CMIP: variants seen among roughly 807,000 people sequenced by gnomAD.
CMIP encodes the protein C-Maf-inducing protein.
CMIP carries 13 observed loss-of-function variants against 97.3 expected under a neutral mutation model. The ratio of observed to expected loss-of-function variants is 0.13; its 90% CI spans 0.09 to 0.21. The LOEUF (loss-of-function observed/expected upper bound fraction) is 0.21. Among genes scored for constraint, CMIP ranks in the 10% least tolerant of loss-of-function variants. The pLI, the probability that CMIP is intolerant of heterozygous loss-of-function variation, is 1.00. For missense variants in CMIP, 847 were observed against 1,024.9 expected (o/e 0.83, Z 2.37); for synonymous variants, 538 against 436.3 (o/e 1.23, Z -2.91).
At chr16:81,707,694 C>A (rs1443320174) in intron 20 of CMIP, among the ~76,000 whole-genome samples, 1 of 152,174 alleles carries the variant, frequency 6.6e-6, no homozygotes, top group African/African-American at 2.4e-5. Flanking sequence ...AAGGCAGGGG[C>A]GTTTTAAGAA....
chr16:81,580,765 C>G (rs529765088), intron 1 of CMIP, among the ~76,000 whole-genome samples: 11 of 152,122 alleles, frequency 7.2e-5, no homozygotes, highest in African/African-American at 1.4e-4. Flanking sequence ...CCACTGCACT[C>G]CAGCCTGGGC....
At chr16:81,544,740 T>C (rs1468844662) in intron 1 of CMIP, among the ~76,000 whole-genome samples, 2 of 152,000 alleles carry the variant, frequency 1.3e-5, no homozygotes, top group Non-Finnish European at 2.9e-5. Flanking sequence ...CATGTGTGTG[T>C]GTGCGTGTAT....
intron 1 of CMIP, among the ~76,000 whole-genome samples, chr16:81,600,648 G>C (rs1385518810): frequency 6.6e-6 from 1 of 152,200 alleles, no homozygotes; most frequent in East Asian, 1.9e-4. Context: ...AAACATCTCA[G>C]AACTCGATAG....
chr16:81,604,489 G>A (rs1253181859), intron 1 of CMIP, among the ~76,000 whole-genome samples: 1 of 151,228 alleles, frequency 6.6e-6, no homozygotes. Flanking sequence ...CACAAGGTCA[G>A]GAGTTCAAGA....
rs2092355879 is a variant in CMIP at position 81,645,624 on chromosome 16, A to G, written c.478-6579A>G. 3 of 1,535,370 alleles carry G rather than the reference A, an allele frequency of 2.0e-6. No homozygotes were observed. The East Asian group carries it at 7.3e-5, about 38-fold the overall frequency. ...GTAACGTCCCTTCCTTGACAAGCAG[A>G]GAGGGTGAGGACAGCGCTGGAGTGG... On this transcript the variant is annotated intron_variant, in intron 3 of 20. Transcript: ENST00000537098.
chr16:81,616,174 A>G lies in CMIP; in HGVS notation c.427-4702A>G, dbSNP rs1475392480. 6.9e-6 allele frequency among the ~76,000 whole-genome samples: 1 copy of G among 145,896 alleles called. No individual in the cohort carries two copies. The highest frequency in any genetic ancestry group is 2.5e-5 in the African/African-American group (1 of 39,398). On this transcript the variant is annotated intron_variant, in intron 2 of 20. Coordinates refer to ENST00000537098, the MANE Select transcript of CMIP (RefSeq NM_198390.3). The surrounding 1 kb of genome is among the most constrained non-coding windows in gnomAD (Gnocchi z 4.7). ...CTGTATTTTTTTTTTTTTTTTTTTA[A>G]CACCAGGCTCACTGGAGCAGTCGCA...
chr16:81,522,309 A>G lies in CMIP; in HGVS notation c.300+76768A>G, dbSNP rs1261350673. On this transcript the variant is annotated intron_variant, in intron 1 of 20. Transcript: ENST00000537098. ...GTGGCCACACCTGGATTGACACAGG[A>G]GGGACACAGCTTCAGTGCTGCTCCA... Among the ~76,000 whole-genome samples the G allele has an allele frequency of 2.0e-5, 3 of 152,114 alleles. No individual in the cohort carries two copies. The East Asian group carries it at 5.8e-4, about 29-fold the overall frequency.
In CMIP at chr16:81,453,352, C is replaced by T. The variant is rs1906352665; in HGVS notation, c.300+7811C>T. 6.6e-6 allele frequency among the ~76,000 whole-genome samples: 1 copy of T among 152,194 alleles called. No homozygotes were observed. Among genetic ancestry groups the T allele is most frequent in the Admixed American group, 6.5e-5 (1 of 15,286 alleles). Reference sequence around the variant, plus strand: ...ATTTGAGTGTATGGAATCAAACAGCCATCTGGGTGCTTCCCTTGGGCTGGG... The same window carrying T: ...ATTTGAGTGTATGGAATCAAACAGCTATCTGGGTGCTTCCCTTGGGCTGGG... On this transcript the variant is annotated intron_variant, in intron 1 of 20. Transcript: ENST00000537098. The surrounding 1 kb of genome is among the most constrained non-coding windows in gnomAD (Gnocchi z 4.0).
At chr16:81,637,883 G>A (rs62043829) in intron 3 of CMIP, among the ~76,000 whole-genome samples, 52,683 of 152,030 alleles carry the variant, frequency 0.35, 10,872 homozygotes, top group Non-Finnish European at 0.46. Flanking sequence ...CGCTCCCTGC[G>A]TCACAGAGGG....
At chr16:81,662,210 C>T (rs1039584770) in intron 6 of CMIP, among the ~76,000 whole-genome samples, 1 of 152,192 alleles carries the variant, frequency 6.6e-6, no homozygotes, top group Non-Finnish European at 1.5e-5. Context: ...CAAACCTGCC[C>T]CATGCTTGCC....
chr16:81,693,282 G>A, intron 12 of CMIP, 98 bp downstream of exon 12: 1 of 1,387,202 alleles, frequency 7.2e-7, no homozygotes, highest in East Asian at 2.4e-5. Flanking sequence ...AGGCAGTGGT[G>A]GCTCCTCTTG....
At chr16:81,579,756 C>T (rs1227881274) in intron 1 of CMIP, among the ~76,000 whole-genome samples, 2 of 152,150 alleles carry the variant, frequency 1.3e-5, no homozygotes, top group Admixed American at 1.3e-4. Context: ...AGATCGAGAC[C>T]ATCCTGGCTA....
At chr16:81,561,143 C>G (rs1483816671) in intron 1 of CMIP, among the ~76,000 whole-genome samples, 1 of 152,170 alleles carries the variant, frequency 6.6e-6, no homozygotes, top group African/African-American at 2.4e-5. Flanking sequence ...TTTATAGAGA[C>G]AGGGTTTCAC....
At chr16:81,640,418 G>A (rs1354034328) in intron 3 of CMIP, among the ~76,000 whole-genome samples, 2 of 152,058 alleles carry the variant, frequency 1.3e-5, no homozygotes, top group African/African-American at 2.4e-5. Context: ...CTCAGCTCGA[G>A]TCACCGCAGT....
At chr16:81,667,661 G>A (rs746426319) in intron 7 of CMIP, among the ~76,000 whole-genome samples, 19 of 151,898 alleles carry the variant, frequency 1.3e-4, no homozygotes, top group Non-Finnish European at 1.2e-4. Flanking sequence ...TCCATAGTGG[G>A]GTCAGTGAGG....
chr16:81,627,334 G>C lies in CMIP; in HGVS notation c.477+6408G>C, dbSNP rs1291118492. On this transcript the variant is annotated intron_variant, in intron 3 of 20. Transcript: ENST00000537098. This position sits in a 1 kb window ranked among gnomAD's most constrained non-coding sequence, Gnocchi z 4.6. The stretch of plus-strand genomic sequence containing the variant: ...CCTCTGTGGAATGGGGATGATCATG[G>C]CGTCTCGTCACTGGGCCGTGTGAGG... Among the ~76,000 whole-genome samples the C allele has an allele frequency of 1.3e-5, 2 of 151,994 alleles. No homozygotes were observed. The highest frequency in any genetic ancestry group is 2.9e-5 in the Non-Finnish European group (2 of 67,962).
At chr16:81,706,728 C>T (rs1207276934) in intron 19 of CMIP, among the ~76,000 whole-genome samples, 1 of 152,120 alleles carries the variant, frequency 6.6e-6, no homozygotes, top group Non-Finnish European at 1.5e-5. Flanking sequence ...GCTCTGGGGA[C>T]ATCAGGTCCA....
At chr16:81,516,346 C>T (rs1335763636) in intron 1 of CMIP, among the ~76,000 whole-genome samples, 2 of 152,212 alleles carry the variant, frequency 1.3e-5, no homozygotes, top group African/African-American at 4.8e-5. Context: ...TCTTCTAGCT[C>T]CCCCGGGTCC....
chr16:81,487,881 G>C (rs1407627799), intron 1 of CMIP, among the ~76,000 whole-genome samples: 1 of 152,182 alleles, frequency 6.6e-6, no homozygotes, highest in Non-Finnish European at 1.5e-5. Context: ...CAAAAAGGAT[G>C]TTCCGGCTCT....
Sources: allele counts gnomAD v4.1 joint callset (sites outside exome capture counted in the v4.1 genomes callset), GRCh38; gene constraint gnomAD v4.1.1; non-coding constraint Gnocchi (gnomAD v3.1); transcripts MANE v1.5; gene names NCBI Gene and HGNC (gene_info 2026-07-23, HGNC 2026-07-21).